The following IPO11 variants were observed in gnomAD, a reference collection of about 807,000 sequenced individuals.
IPO11 encodes the protein importin 11.
A neutral mutation model predicts 143.2 loss-of-function variants in IPO11; 66 were observed. The ratio of observed to expected loss-of-function variants is 0.46; its 90% confidence interval spans 0.38 to 0.57. IPO11 has a LOEUF of 0.57. Ranked by LOEUF, IPO11 falls within the 20% of genes least tolerant of loss-of-function variation. IPO11 has a pLI of 0.00. For missense variants in IPO11, 1,026 were observed against 1,141.0 expected, an observed-to-expected ratio of 0.90 and a Z score of 1.45; for synonymous variants, 385 against 377.8, an observed-to-expected ratio of 1.02 and a Z score of -0.22.
intron 24 of IPO11, among the ~76,000 whole-genome samples, chr5:62,546,042 A>G (rs1743163320): frequency 6.6e-6 from 1 of 152,218 alleles, no homozygotes; most frequent in African/African-American, 2.4e-5. Context: ...CAGTGTGGCA[A>G]TTCCTCAAGG....
At chr5:62,484,616 T>C (rs1341639392) in intron 11 of IPO11, among the ~76,000 whole-genome samples, 1 of 151,204 alleles carries the variant, frequency 6.6e-6, no homozygotes, top group Non-Finnish European at 1.5e-5. Context: ...GATAGATAAG[T>C]AGAATAAGTC....
intron 1 of IPO11, among the ~76,000 whole-genome samples, chr5:62,424,719 G>A (rs1580160818): frequency 6.6e-6 from 1 of 151,894 alleles, no homozygotes; most frequent in East Asian, 1.9e-4. Flanking sequence ...TGGGATTACA[G>A]ACGTGAGCCA....
At chr5:62,554,954 A>C (rs1210700070) in intron 26 of IPO11, among the ~76,000 whole-genome samples, 1 of 152,156 alleles carries the variant, frequency 6.6e-6, no homozygotes, top group Non-Finnish European at 1.5e-5. Flanking sequence ...ACCTCAAGTG[A>C]TCCACCTGCA....
intron 3 of IPO11, among the ~76,000 whole-genome samples, chr5:62,447,703 A>T (rs1173414354): frequency 6.6e-6 from 1 of 151,612 alleles, no homozygotes. Flanking sequence ...CTCCCACTGC[A>T]GCCTCTGGAG....
chr5:62,542,144 C>T (rs761507610), intron 24 of IPO11, among the ~76,000 whole-genome samples: 1 of 151,168 alleles, frequency 6.6e-6, no homozygotes, highest in African/African-American at 2.4e-5. Flanking sequence ...GGCGTGATCT[C>T]GGCTCACCAC....
chr5:62,439,516 T>C (rs1023752883), intron 2 of IPO11, among the ~76,000 whole-genome samples: 1 of 151,936 alleles, frequency 6.6e-6, no homozygotes, highest in East Asian at 1.9e-4. Context: ...CTCAATCTCT[T>C]GGCCTTGTGA....
chr5:62,540,166 A>G (rs1183632361), intron 24 of IPO11, among the ~76,000 whole-genome samples: 1 of 152,112 alleles, frequency 6.6e-6, no homozygotes, highest in Non-Finnish European at 1.5e-5. Flanking sequence ...TGAAGATGTG[A>G]TCTCGACTAT....
chr5:62,598,435 TCTC>T (rs1745334625), intron 28 of IPO11, among the ~76,000 whole-genome samples: 1 of 3,048 alleles, frequency 3.3e-4, no homozygotes. Flanking sequence ...TTTCTTTCTC[TCTC>T]TCTCTCTCTC....
chr5:62,451,063 A>T (rs1483343603), intron 4 of IPO11, among the ~76,000 whole-genome samples: 1 of 152,214 alleles, frequency 6.6e-6, no homozygotes, highest in Non-Finnish European at 1.5e-5. Flanking sequence ...GTTACTGAGC[A>T]GTGAACAACT....
In IPO11 at chr5:62,491,695, TTG is replaced by T. The variant is rs769525752; in HGVS notation, c.1463+1476_1463+1477del. ...TTTTTTTTTTTTTTGAGATGGAGTC[TTG>T]CTCTGTTGCCCAGGCTGTAGTGCAG... On this transcript the variant is annotated intron_variant, in intron 15 of 29. Transcript: ENST00000325324. 2.7e-4 allele frequency among the ~76,000 whole-genome samples: 41 copies of T among 150,920 alleles called. 1 individual carries two copies. Among genetic ancestry groups the T allele is most frequent in the Non-Finnish European group, 8.9e-5 (6 of 67,744 alleles).
chr5:62,526,798 C>G (rs1742383204), intron 21 of IPO11: 1 of 152,216 alleles, frequency 6.6e-6, no homozygotes, highest in Non-Finnish European at 1.5e-5. Flanking sequence ...CTAGAAAATC[C>G]TTTTGCTTTA....
intron 5 of IPO11, among the ~76,000 whole-genome samples, chr5:62,453,221 G>A (rs247229): frequency 0.71 from 106,473 of 150,524 alleles, 38,694 homozygotes; most frequent in African/African-American, 0.84. Flanking sequence ...CTAAATTAGC[G>A]GGCTTTTCCT....
chr5:62,501,495 G>A (rs1443381705), intron 16 of IPO11, among the ~76,000 whole-genome samples: 3 of 152,212 alleles, frequency 2.0e-5, no homozygotes, highest in Non-Finnish European at 2.9e-5. Flanking sequence ...AATTATACAT[G>A]AAAATGACCT....
At chr5:62,580,142 T>C (rs1744492853) in intron 27 of IPO11, 1 of 1,551,042 alleles carries the variant, frequency 6.4e-7, no homozygotes, top group East Asian at 2.4e-5. Flanking sequence ...AGACTTTCTT[T>C]GTCTCATAAT....
intron 1 of IPO11, 93 bp from the exon 2 acceptor site, chr5:62,437,181 C>T: frequency 1.0e-6 from 1 of 991,562 alleles, no homozygotes; most frequent in Non-Finnish European, 1.5e-6. Flanking sequence ...GGGAGTAATT[C>T]AGAACATGAA....
At chr5:62,535,787 A>G (rs1742714248) in intron 22 of IPO11, among the ~76,000 whole-genome samples, 1 of 152,170 alleles carries the variant, frequency 6.6e-6, no homozygotes, top group Non-Finnish European at 1.5e-5. Flanking sequence ...ATCTTTTGCC[A>G]GAAATTAAGA....
At chr5:62,423,075 T>C (rs955951917) in intron 1 of IPO11, among the ~76,000 whole-genome samples, 3 of 152,212 alleles carry the variant, frequency 2.0e-5, no homozygotes, top group Admixed American at 6.5e-5. Context: ...TAAATTTTGT[T>C]GGCTTGATAT....
intron 27 of IPO11, among the ~76,000 whole-genome samples, chr5:62,581,752 C>T (rs1379478753): frequency 2.0e-5 from 3 of 151,996 alleles, no homozygotes; most frequent in South Asian, 2.1e-4. Context: ...AAAAAATAGA[C>T]GTGGTTCTTA....
rs1214327068 is a variant in IPO11, at chr5:62,435,190, GTA to G, written c.-6-2076_-6-2075del. Among the ~76,000 whole-genome samples, 13 of 101,730 alleles carry G rather than the reference GTA, an allele frequency of 1.3e-4. 1 individual carries two copies. The highest frequency in any genetic ancestry group is 2.2e-4 in the Admixed American group (2 of 9,004). The allele number at this position is 101,730 out of a possible 152,430, so 66.7% of individuals were successfully genotyped here. A position where few individuals can be genotyped will look rare whatever the true frequency, so the allele number is the denominator to read the frequency against. ...TATATATGTATATATGTATATATAT[GTA>G]TATATATGTATATATATGTGTATAT... is the stretch of plus-strand genomic sequence containing the variant. On this transcript the variant is annotated intron_variant, in intron 1 of 29. Transcript: ENST00000325324.
Sources: allele counts gnomAD v4.1 joint callset (sites outside exome capture counted in the v4.1 genomes callset), GRCh38; gene constraint gnomAD v4.1.1; transcripts MANE v1.5; gene names NCBI Gene and HGNC (gene_info 2026-07-23, HGNC 2026-07-21).